Variants in PDIA6 observed in about 807,000 individuals in gnomAD.
PDIA6 encodes the protein protein disulfide isomerase family A member 6.
A neutral mutation model predicts 58.4 loss-of-function variants in PDIA6; 29 were observed. The observed-to-expected ratio is 0.50, with a 90% CI of 0.37 to 0.68. PDIA6 has a LOEUF of 0.68. PDIA6 is among the 30% of genes least tolerant of loss of function. The pLI, the probability that PDIA6 is intolerant of heterozygous loss-of-function variation, is 0.00. For missense variants in PDIA6, 480 were observed against 551.0 expected, an observed-to-expected ratio of 0.87 and a Z score of 1.29; for synonymous variants, 192 against 202.6, an observed-to-expected ratio of 0.95 and a Z score of 0.44.
chr2:10,791,827 C>T lies in PDIA6; in HGVS notation c.552G>A (p.Glu184=), dbSNP rs759883072. The T allele has an allele frequency of 1.1e-5, 18 of 1,614,028 alleles. No individual in the cohort carries two copies. Among genetic ancestry groups the T allele is most frequent in the Non-Finnish European group, 1.5e-5 (18 of 1,180,026 alleles). ...VLDSEDVWMV[E]FYAPWCGHCK... ...AGTGTCCACACCAAGGAGCATAGAA[C>T]TCAACCATCCAAACATCTTCACTGT... Residue 184 remains glutamate, a synonymous_variant, in exon 6 of 13, where the codon GAG becomes GAA. Transcript: ENST00000272227.
chr2:10,819,310 T>C, exon 2 of PDIA6: 2 of 1,539,482 alleles, frequency 1.3e-6, no homozygotes, highest in Non-Finnish European at 1.8e-6. Flanking sequence ...GGATACATTA[T>C]GGGACTTTTC....
At chr2:10,804,734 T>A (rs1211254384) in intron 1 of PDIA6, among the ~76,000 whole-genome samples, 1 of 131,758 alleles carries the variant, frequency 7.6e-6, no homozygotes, top group East Asian at 2.1e-4. Context: ...TTTATGGGGA[T>A]GGCATTGAAT....
At chr2:10,817,259 C>G (rs1333664745), upstream of PDIA6, among the ~76,000 whole-genome samples, 2 of 152,328 alleles carry the variant, frequency 1.3e-5, no homozygotes, top group African/African-American at 4.8e-5. Context: ...ATGTTATTAG[C>G]AGCAAGTCAC....
At chr2:10,810,717 C>G (rs1666969489) in intron 1 of PDIA6, among the ~76,000 whole-genome samples, 2 of 152,090 alleles carry the variant, frequency 1.3e-5, no homozygotes, top group South Asian at 4.1e-4. Flanking sequence ...TGAGAAAGAA[C>G]AGACAAAAGA....
At chr2:10,818,166 C>CT (rs571475237) in intron 2 of PDIA6, among the ~76,000 whole-genome samples, 2,029 of 144,648 alleles carry the variant, frequency 0.014, 37 homozygotes, top group African/African-American at 0.037. Flanking sequence ...ACCACTTTAA[C>CT]TTTTTTTTTT....
chr2:10,794,462 AT>A (rs5829275), intron 4 of PDIA6, among the ~76,000 whole-genome samples: 1,995 of 41,884 alleles, frequency 0.048, 30 homozygotes, highest in Non-Finnish European at 0.1. Flanking sequence ...AAAAAAAAAA[AT>A]CTTTCTTTTT....
intron 1 of PDIA6, among the ~76,000 whole-genome samples, chr2:10,812,246 G>A (rs2884293): frequency 0.48 from 73,267 of 151,662 alleles, 19,325 homozygotes; most frequent in South Asian, 0.58. Flanking sequence ...GCTGCATAAA[G>A]CAGGTGGCAG....
chr2:10,829,745 A>G lies in PDIA6; in HGVS notation c.-48+2457T>C, dbSNP rs540080768. ...TTGTGGGTACATAGTAGGTGTACAT[A>G]TTGACACTGTACGTGATTACATTTC... On this transcript the variant is annotated intron_variant, in intron 1 of 13. Transcript: ENST00000381611. Among the ~76,000 whole-genome samples the G allele has an allele frequency of 4.6e-5, 7 of 152,240 alleles. No individual in the cohort carries two copies. The South Asian group carries it at 1.5e-3, about 32-fold the overall frequency.
At chr2:10,806,624 A>AAGACAGAAAGACAGACAGACAGAC (rs1666764793) in intron 1 of PDIA6, among the ~76,000 whole-genome samples, 2 of 139,676 alleles carry the variant, frequency 1.4e-5, no homozygotes, top group African/African-American at 5.0e-5. Flanking sequence ...CTAAAAAATA[A>AAGACAGAAAGACAGACAGACAGAC]AGACAGAAAG....
rs183013376 is a variant in PDIA6, at chr2:10,790,025, C to T, written c.700-136G>A. ...AAGCAGTCTCACTCTGTTGCCCAGG[C>T]TGGAGAGCACAGGTGCAATCTCAGC... On this transcript the variant is annotated intron_variant, in intron 7 of 12. Coordinates refer to ENST00000272227, the MANE Select transcript of PDIA6 (RefSeq NM_005742.4). 335 of 683,596 alleles carry T rather than the reference C, an allele frequency of 4.9e-4. 2 individuals are homozygous for T. The African/African-American group carries it at 5.0e-3, about 10-fold the overall frequency. 42.3% of individuals were successfully genotyped at this position (683,596 alleles called of 1,614,324 possible).
At chr2:10,813,286 C>A (rs1370020457), upstream of PDIA6, among the ~76,000 whole-genome samples, 3 of 152,218 alleles carry the variant, frequency 2.0e-5, no homozygotes, top group African/African-American at 7.2e-5. Context: ...CGACAAGTTT[C>A]TATTTTGTTG....
chr2:10,793,105 A>G lies in PDIA6; in HGVS notation c.444T>C (p.Ser148=). 4 of 1,611,106 alleles carry G rather than the reference A, an allele frequency of 2.5e-6. No homozygotes were observed. Among genetic ancestry groups the G allele is most frequent in the Non-Finnish European group, 3.4e-6 (4 of 1,177,198 alleles). The stretch of plus-strand genomic sequence containing the variant: ...CATTTTATGGTCTTACTTGTTTTCC[A>G]GAACTGTATCCTCCGCTCCGTCCCC... The part of the protein sequence containing the change: ...RLGGRSGGYS[S]GKQGRSDSSS... The change falls in exon 5 of 13, where the codon TCT becomes TCC. Residue 148 remains serine, a synonymous_variant. Coordinates refer to ENST00000272227, the MANE Select transcript of PDIA6 (RefSeq NM_005742.4).
upstream of PDIA6, among the ~76,000 whole-genome samples, chr2:10,836,092 T>G (rs1667826665): frequency 6.6e-6 from 1 of 151,062 alleles, no homozygotes; most frequent in African/African-American, 2.4e-5. Flanking sequence ...AGTACCTTGG[T>G]GCCTGAGATG....
At chr2:10,805,674 T>C (rs1309963895) in intron 1 of PDIA6, among the ~76,000 whole-genome samples, 6 of 90,166 alleles carry the variant, frequency 6.7e-5, no homozygotes, top group African/African-American at 1.9e-4. Flanking sequence ...TGTCCAACAA[T>C]GATAGACTGG....
At chr2:10,788,065 CA>C (rs565180851) in intron 10 of PDIA6, among the ~76,000 whole-genome samples, 155 of 102,102 alleles carry the variant, frequency 1.5e-3, no homozygotes, top group Middle Eastern at 5.1e-3. Context: ...GACTCTGTCT[CA>C]AAAAAAAAAA....
rs1354629483 is a variant in PDIA6 at position 10,803,290 on chromosome 2, T to C, written c.20-650A>G. On this transcript the variant is annotated intron_variant, in intron 1 of 12. Transcript: ENST00000272227. Reference sequence around the variant, plus strand: ...CTCCTGCTTCAGCCTCCCAAGTAGCTGGGATTACAGGCATGTGCCATCACG... The same window carrying C: ...CTCCTGCTTCAGCCTCCCAAGTAGCCGGGATTACAGGCATGTGCCATCACG... Among the ~76,000 whole-genome samples the C allele has an allele frequency of 1.2e-4, 18 of 152,294 alleles. No individual in the cohort carries two copies. In the South Asian group the frequency reaches 3.7e-3, roughly 32 times the overall value.
In PDIA6 at chr2:10,806,622, T is replaced by TAAAGAGAAAG. The variant is rs1207473085; in HGVS notation, c.20-3983_20-3982insCTTTCTCTTT. On this transcript the variant is annotated intron_variant, in intron 1 of 12. Transcript: ENST00000272227. ...TAGCAAAACCACATCTCCTAAAAAA[T>TAAAGAGAAAG]AAAGACAGAAAGAAAGAAAGAAAGA... Among the ~76,000 whole-genome samples the TAAAGAGAAAG allele has an allele frequency of 7.4e-4, 36 of 48,692 alleles. 2 individuals are homozygous for TAAAGAGAAAG. Among genetic ancestry groups the TAAAGAGAAAG allele is most frequent in the Non-Finnish European group, 1.8e-3 (26 of 14,734 alleles). The allele number at this position is 48,692 out of a possible 152,430, so 31.9% of individuals were successfully genotyped here. A position where few individuals can be genotyped will look rare whatever the true frequency, so the allele number is the denominator to read the frequency against.
chr2:10,786,193 G>C (rs570217102), intron 11 of PDIA6, among the ~76,000 whole-genome samples: 4 of 152,108 alleles, frequency 2.6e-5, no homozygotes, highest in East Asian at 1.9e-4. Context: ...CGTGGTGGCA[G>C]GCGCCTGTAA....
chr2:10,795,235 T>G (rs1666216324), intron 4 of PDIA6, among the ~76,000 whole-genome samples: 1 of 152,198 alleles, frequency 6.6e-6, no homozygotes. Context: ...GTTGTTCCAG[T>G]GCAAAAGGAG....
Sources: gnomAD v4.1 joint callset for allele counts (sites outside exome capture counted in the v4.1 genomes callset) on GRCh38, gnomAD v4.1.1 for gene constraint, MANE v1.5 for transcripts, NCBI Gene and HGNC (gene_info 2026-07-23, HGNC 2026-07-21) for gene names.